Variants in PTPRG observed in about 807,000 individuals in gnomAD.
PTPRG encodes protein tyrosine phosphatase receptor type G, also known as receptor-type tyrosine-protein phosphatase gamma.
A neutral mutation model predicts 165.3 loss-of-function variants in PTPRG; 102 were observed. That is an observed-to-expected ratio of 0.62 (90% CI 0.53 to 0.73). The LOEUF is 0.73. Ranked by LOEUF, PTPRG falls within the 30% of genes least tolerant of loss-of-function variation. PTPRG has a pLI of 0.00. For missense variants in PTPRG, 1,866 were observed against 1,861.4 expected (o/e 1.00, Z -0.05); for synonymous variants, 675 against 669.5 (o/e 1.01, Z -0.13).
chr3:61,995,980 C>A lies in PTPRG; in HGVS notation c.370+6176C>A, dbSNP rs973706937. Among the ~76,000 whole-genome samples, 6 of 152,026 alleles carry A rather than the reference C, an allele frequency of 3.9e-5. No homozygotes were observed. The South Asian group carries it at 1.2e-3, about 31-fold the overall frequency. ...TCCTGTGTCTTCTTGCATTTGCCTC[C>A]GCTGGGGCATGTCTCTGTCTCTCTG... On this transcript the variant is annotated intron_variant, in intron 3 of 29. Coordinates refer to ENST00000474889, the MANE Select transcript of PTPRG (RefSeq NM_002841.4).
At chr3:61,605,452 T>C (rs1700976068) in intron 1 of PTPRG, among the ~76,000 whole-genome samples, 1 of 151,616 alleles carries the variant, frequency 6.6e-6, no homozygotes, top group East Asian at 1.9e-4. Flanking sequence ...GACGGGGTTT[T>C]GCCATGTTGA....
intron 8 of PTPRG, among the ~76,000 whole-genome samples, chr3:62,172,921 A>G (rs1508404): frequency 0.26 from 40,251 of 152,090 alleles, 5,815 homozygotes; most frequent in African/African-American, 0.37. Flanking sequence ...AATTAATTAC[A>G]TAAGGCAGGA....
intron 2 of PTPRG, among the ~76,000 whole-genome samples, chr3:61,922,873 T>TC (rs2039113547): frequency 6.6e-6 from 1 of 152,214 alleles, no homozygotes; most frequent in Non-Finnish European, 1.5e-5. Context: ...GTTCCAGAAC[T>TC]CAGGTACTCT....
chr3:61,851,191 C>T (rs2036954493), intron 2 of PTPRG, among the ~76,000 whole-genome samples: 1 of 152,096 alleles, frequency 6.6e-6, no homozygotes, highest in African/African-American at 2.4e-5. Flanking sequence ...CAAAGATGGA[C>T]TTTGTTGGAG....
chr3:61,687,115 C>A (rs1013721909), intron 1 of PTPRG, among the ~76,000 whole-genome samples: 8 of 152,138 alleles, frequency 5.3e-5, no homozygotes, highest in African/African-American at 1.9e-4. Context: ...CAATACCTAC[C>A]CTGAAATGAA....
chr3:62,281,548 T>TTTTTTTTTTTTTTTTTTTTTG lies in PTPRG; in HGVS notation c.3766-12_3766-11insTTTTTTTTTTTTTTTTTGTTT. On this transcript the variant is annotated splice_polypyrimidine_tract_variant and intron_variant, in intron 26 of 29. Transcript: ENST00000474889. ...ACAGAACTGCAGAGGCTTTTTTTTT[T>TTTTTTTTTTTTTTTTTTTTTG]TTTGGATTCCAAAGGCAGAAGATGA... 6.9e-7 allele frequency: 1 copy of TTTTTTTTTTTTTTTTTTTTTG among 1,439,158 alleles called. No individual in the cohort carries two copies. Among genetic ancestry groups the TTTTTTTTTTTTTTTTTTTTTG allele is most frequent in the Non-Finnish European group, 9.3e-7 (1 of 1,070,688 alleles). 89.1% of individuals were successfully genotyped at this position (1,439,158 alleles called of 1,614,324 possible). A position where few individuals can be genotyped will look rare whatever the true frequency, so the allele number is the denominator to read the frequency against.
At chr3:61,739,716 A>G (rs2032905545) in intron 1 of PTPRG, among the ~76,000 whole-genome samples, 1 of 152,212 alleles carries the variant, frequency 6.6e-6, no homozygotes, top group Admixed American at 6.5e-5. Flanking sequence ...GCAATAATTG[A>G]CTTGATTTAG....
At chr3:61,633,302 C>T (rs1701818293) in intron 1 of PTPRG, among the ~76,000 whole-genome samples, 1 of 152,124 alleles carries the variant, frequency 6.6e-6, no homozygotes, top group African/African-American at 2.4e-5. Context: ...ATAGGAAGCA[C>T]TTGGTAAGCA....
chr3:61,849,432 G>A (rs1365627002), intron 2 of PTPRG, among the ~76,000 whole-genome samples: 1 of 152,140 alleles, frequency 6.6e-6, no homozygotes, highest in Non-Finnish European at 1.5e-5. Context: ...TGATGAAAAA[G>A]AGTGCTATAG....
chr3:62,240,641 T>A lies in PTPRG; in HGVS notation c.2376-3166T>A, dbSNP rs950087602. Among the ~76,000 whole-genome samples the A allele has an allele frequency of 3.3e-5, 5 of 152,208 alleles. No individual in the cohort carries two copies. The highest frequency in any genetic ancestry group is 9.6e-5 in the African/African-American group (4 of 41,466). On this transcript the variant is annotated intron_variant, in intron 14 of 29. Transcript: ENST00000474889. This position sits in a 1 kb window ranked among gnomAD's most constrained non-coding sequence, Gnocchi z 5.1. ...CTCTGGCCCACCTCTCCAACCTTGC[T>A]TTCCACAGCCTTTCCCTTGCCTCTG...
At chr3:62,234,730 T>C (rs1700984420) in intron 14 of PTPRG, among the ~76,000 whole-genome samples, 1 of 152,192 alleles carries the variant, frequency 6.6e-6, no homozygotes, top group South Asian at 2.1e-4. Flanking sequence ...AGTTTACTTC[T>C]TAACTGTATT....
chr3:61,741,667 C>A (rs1161898665), intron 1 of PTPRG, among the ~76,000 whole-genome samples: 1 of 152,196 alleles, frequency 6.6e-6, no homozygotes, highest in Non-Finnish European at 1.5e-5. Context: ...GTCATATAAT[C>A]ACTTTTCCCT....
In PTPRG at chr3:62,254,363, A is replaced by AT. The variant is rs1358304226; in HGVS notation, c.2468-760dup. ...CCAGTTAGTTGGGTGTGGCTATTTT[A>AT]TAGCAGTACTCAAGTATCATGATAA... is the stretch of plus-strand genomic sequence containing the variant. On this transcript the variant is annotated intron_variant, in intron 15 of 29. Transcript: ENST00000474889. This position sits in a 1 kb window ranked among gnomAD's most constrained non-coding sequence, Gnocchi z 4.6. 6.6e-6 allele frequency among the ~76,000 whole-genome samples: 1 copy of AT among 152,156 alleles called. No homozygotes were observed. The highest frequency in any genetic ancestry group is 2.4e-5 in the African/African-American group (1 of 41,448).
intron 5 of PTPRG, among the ~76,000 whole-genome samples, chr3:62,112,646 G>A (rs756593338): frequency 2.6e-5 from 4 of 152,182 alleles, no homozygotes; most frequent in Non-Finnish European, 4.4e-5. Context: ...AGACCTTTAC[G>A]AGTCCTATCT....
chr3:61,767,237 T>C (rs2034050326), intron 2 of PTPRG, among the ~76,000 whole-genome samples: 1 of 4,476 alleles, frequency 2.2e-4, no homozygotes, highest in South Asian at 3.6e-3. Flanking sequence ...CAAGATTCCA[T>C]CTCAAAAAAA....
chr3:62,079,077 T>C (rs1262593294), intron 5 of PTPRG, among the ~76,000 whole-genome samples: 1 of 152,230 alleles, frequency 6.6e-6, no homozygotes, highest in East Asian at 1.9e-4. Flanking sequence ...TTTTGACAAC[T>C]AAAGGAAAGT....
intron 4 of PTPRG, among the ~76,000 whole-genome samples, chr3:62,072,056 G>A (rs1259985860): frequency 6.6e-6 from 1 of 152,204 alleles, no homozygotes; most frequent in South Asian, 2.1e-4. Context: ...CATTTGTAAA[G>A]TCAAACTACA....
intron 1 of PTPRG, among the ~76,000 whole-genome samples, chr3:61,708,387 C>G (rs2031370168): frequency 6.8e-6 from 1 of 146,036 alleles, no homozygotes; most frequent in South Asian, 2.3e-4. Context: ...ACTGGGGGAT[C>G]ATTAGCTCAC....
chr3:61,910,146 A>G (rs566501007), intron 2 of PTPRG, among the ~76,000 whole-genome samples: 2 of 152,334 alleles, frequency 1.3e-5, no homozygotes, highest in South Asian at 2.1e-4. Context: ...GTCTGTTCAC[A>G]TGCCTTACGT....
Sources: allele counts gnomAD v4.1 joint callset (sites outside exome capture counted in the v4.1 genomes callset), GRCh38; gene constraint gnomAD v4.1.1; non-coding constraint Gnocchi (gnomAD v3.1); transcripts MANE v1.5; gene names NCBI Gene and HGNC (gene_info 2026-07-23, HGNC 2026-07-21).